MGST1: variants seen among roughly 807,000 people sequenced by gnomAD.
MGST1 encodes microsomal glutathione S-transferase 1.
Under a neutral mutation model 8.9 loss-of-function variants are expected in MGST1, and 5 were observed. The ratio of observed to expected loss-of-function variants is 0.56; its 90% CI spans 0.29 to 1.19. MGST1 has a LOEUF of 1.19. Among genes scored for constraint, MGST1 ranks in the 50% most tolerant of loss-of-function variants. MGST1 has a pLI of 0.08. For missense variants in MGST1, 182 were observed against 187.4 expected, an observed-to-expected ratio of 0.97 and a Z score of 0.17; for synonymous variants, 54 against 67.8, an observed-to-expected ratio of 0.80 and a Z score of 1.00.
chr12:16,494,913 A>G (rs1194476710), intron 4 of MGST1, among the ~76,000 whole-genome samples: 1 of 152,176 alleles, frequency 6.6e-6, no homozygotes, highest in Admixed American at 6.6e-5. Flanking sequence ...ATCAATGTTT[A>G]CTGTATATAT....
At chr12:16,490,339 T>C (rs1301685114) in intron 4 of MGST1, among the ~76,000 whole-genome samples, 1 of 152,126 alleles carries the variant, frequency 6.6e-6, no homozygotes, top group East Asian at 1.9e-4. Flanking sequence ...GAGAACAGCA[T>C]GTTCCATATA....
At chr12:16,408,545 T>A (rs1239508927) in intron 1 of MGST1, among the ~76,000 whole-genome samples, 2 of 152,204 alleles carry the variant, frequency 1.3e-5, no homozygotes, top group Non-Finnish European at 2.9e-5. Flanking sequence ...CTGTACCTCT[T>A]TTAAAATTAA....
intron 1 of MGST1, chr12:16,400,067 C>G (rs986191210): frequency 3.2e-6 from 5 of 1,583,544 alleles, no homozygotes; most frequent in Non-Finnish European, 8.7e-7. Flanking sequence ...GTTAGAGCCT[C>G]TACTTTCTCC....
chr12:16,468,090 G>A (rs1485807123), intron 4 of MGST1, among the ~76,000 whole-genome samples: 4 of 152,160 alleles, frequency 2.6e-5, no homozygotes, highest in Non-Finnish European at 5.9e-5. Flanking sequence ...TCAGTTAAGG[G>A]TGCAGCATCC....
At chr12:16,558,759 T>C (rs1273967501) in intron 4 of MGST1, among the ~76,000 whole-genome samples, 2 of 152,174 alleles carry the variant, frequency 1.3e-5, no homozygotes, top group Non-Finnish European at 2.9e-5. Context: ...ACTATTGTGA[T>C]ACATGCCTTG....
chr12:16,365,968 C>T (rs1940181030), downstream of MGST1, among the ~76,000 whole-genome samples: 1 of 152,200 alleles, frequency 6.6e-6, no homozygotes, highest in Admixed American at 6.5e-5. Context: ...TGAGTTCCTC[C>T]TGGTTTTGGG....
intron 4 of MGST1, among the ~76,000 whole-genome samples, chr12:16,463,704 A>G (rs1210479084): frequency 6.6e-6 from 1 of 152,112 alleles, no homozygotes; most frequent in Non-Finnish European, 1.5e-5. Context: ...CCTTTGATCT[A>G]TATGAATATT....
At chr12:16,470,156 T>A (rs1941282589) in intron 4 of MGST1, among the ~76,000 whole-genome samples, 1 of 152,228 alleles carries the variant, frequency 6.6e-6, no homozygotes. Flanking sequence ...CTGTTGGTAG[T>A]ACAAAAATAA....
intron 4 of MGST1, among the ~76,000 whole-genome samples, chr12:16,526,921 T>G (rs1269236484): frequency 1.3e-5 from 2 of 151,912 alleles, no homozygotes; most frequent in African/African-American, 4.8e-5. Context: ...ACTCCCCTCC[T>G]CCTGTGAACA....
At chr12:16,381,427 G>C (rs1940453246), downstream of MGST1, among the ~76,000 whole-genome samples, 1 of 152,120 alleles carries the variant, frequency 6.6e-6, no homozygotes, top group African/African-American at 2.4e-5. Flanking sequence ...ATGAAATTCT[G>C]GGTTGAAAAT....
At chr12:16,365,743 G>GCACACACATACA (rs1555096029), downstream of MGST1, among the ~76,000 whole-genome samples, 28 of 100,372 alleles carry the variant, frequency 2.8e-4, no homozygotes, top group African/African-American at 1.3e-3. Context: ...GCGTGCACGC[G>GCACACACATACA]CACACACACA....
intron 4 of MGST1, among the ~76,000 whole-genome samples, chr12:16,554,914 G>A (rs571818592): frequency 6.6e-6 from 1 of 152,146 alleles, no homozygotes; most frequent in Non-Finnish European, 1.5e-5. Flanking sequence ...CGCCCGCCTC[G>A]GCCTCCCAAA....
downstream of MGST1, among the ~76,000 whole-genome samples, chr12:16,379,515 A>G (rs1044495717): frequency 2.6e-5 from 4 of 152,284 alleles, no homozygotes; most frequent in East Asian, 7.7e-4. Context: ...ATCATGGTGG[A>G]TAAGTTTTTG....
intron 4 of MGST1, among the ~76,000 whole-genome samples, chr12:16,588,211 T>A (rs1943380549): frequency 6.6e-6 from 1 of 151,956 alleles, no homozygotes; most frequent in African/African-American, 2.4e-5. Context: ...TCATAATTTT[T>A]AAAATGTATA....
intron 1 of MGST1, chr12:16,402,367 G>A (rs960100433): frequency 8.1e-6 from 13 of 1,603,566 alleles, no homozygotes; most frequent in Non-Finnish European, 1.1e-5. Flanking sequence ...GCCAATTGCT[G>A]TACAGTCTCT....
At chr12:16,417,037 A>G (rs113561481) in intron 1 of MGST1, among the ~76,000 whole-genome samples, 1,571 of 152,306 alleles carry the variant, frequency 0.01, 13 homozygotes, top group Non-Finnish European at 0.017. Flanking sequence ...TAAATTATTT[A>G]TTCAACAAAC....
chr12:16,491,873 G>A (rs117616864), intron 4 of MGST1, among the ~76,000 whole-genome samples: 1 of 152,176 alleles, frequency 6.6e-6, no homozygotes, highest in East Asian at 1.9e-4. Context: ...GAAAGCCGGT[G>A]TTTTAGTAGT....
intron 1 of MGST1, among the ~76,000 whole-genome samples, chr12:16,428,241 A>T (rs1329929808): frequency 6.7e-6 from 1 of 149,462 alleles, no homozygotes; most frequent in Non-Finnish European, 1.5e-5. Flanking sequence ...TTTTTGAGGG[A>T]TCCTATATTT....
rs118022977 is a variant in MGST1 at position 16,557,210 on chromosome 12, T to C, written n.483-32318T>C. Among the ~76,000 whole-genome samples the C allele has an allele frequency of 9.7e-4, 147 of 152,216 alleles. 1 individual carries two copies. The East Asian group carries it at 0.027, about 28-fold the overall frequency. ...TTTTATTTTCTATGTAGAACATGGA[T>C]AAAATAGGTAACCCTACTTAATAGA... On this transcript the variant is annotated intron_variant and non_coding_transcript_variant, in intron 4 of 4. Transcript: ENST00000538857.
Sources: gnomAD v4.1 joint callset for allele counts (sites outside exome capture counted in the v4.1 genomes callset) on GRCh38, gnomAD v4.1.1 for gene constraint, MANE v1.5 for transcripts, NCBI Gene and HGNC (gene_info 2026-07-23, HGNC 2026-07-21) for gene names.